Variants in FANK1 observed in about 807,000 individuals in gnomAD.
FANK1 encodes fibronectin type III and ankyrin repeat domains 1, also known as fibronectin type 3 and ankyrin repeat domains protein 1.
Under a neutral mutation model 45.3 loss-of-function variants are expected in FANK1, and 44 were observed. The observed-to-expected ratio is 0.97, with a 90% CI of 0.76 to 1.25. The LOEUF (loss-of-function observed/expected upper bound fraction) is 1.25. Ranked by LOEUF, FANK1 falls within the 50% of genes most tolerant of loss-of-function variation. The pLI is 0.00. For missense variants in FANK1, 391 were observed against 424.4 expected, an observed-to-expected ratio of 0.92 and a Z score of 0.69; for synonymous variants, 149 against 152.5, an observed-to-expected ratio of 0.98 and a Z score of 0.17.
At chr10:125,909,686 C>CTTTTTTT (rs34854157) in intron 1 of FANK1, among the ~76,000 whole-genome samples, 2 of 103,272 alleles carry the variant, frequency 1.9e-5, no homozygotes, top group Admixed American at 1.0e-4. Flanking sequence ...GACCAATTAA[C>CTTTTTTT]TTTTTTTTTT....
rs546704202 is a variant in FANK1 at position 125,908,637 on chromosome 10, A to G, written c.13+11982A>G. Among the ~76,000 whole-genome samples, 5 of 152,274 alleles carry G rather than the reference A, an allele frequency of 3.3e-5. No individual in the cohort carries two copies. The East Asian group carries it at 7.7e-4, about 24-fold the overall frequency. On this transcript the variant is annotated intron_variant, in intron 1 of 10. Coordinates refer to ENST00000368693, the MANE Select transcript of FANK1 (RefSeq NM_145235.5). ...GGGGATGAGGGAGAAAAGACTATAC[A>G]TTGGGTACAGTGTACCCTGCTCGAG...
At chr10:125,913,839 C>T (rs897030607) in intron 1 of FANK1, among the ~76,000 whole-genome samples, 4 of 152,162 alleles carry the variant, frequency 2.6e-5, no homozygotes, top group Admixed American at 6.5e-5. Context: ...TGCCTACCTT[C>T]GTGCCCGGCC....
intron 7 of FANK1, among the ~76,000 whole-genome samples, 175 bp downstream of exon 7, chr10:126,005,224 C>T (rs936665038): frequency 5.3e-5 from 8 of 151,986 alleles, no homozygotes; most frequent in African/African-American, 1.9e-4. Context: ...AGTGAGCTTT[C>T]CGATTGTCAT....
At chr10:125,964,734 A>G (rs536927368) in intron 1 of FANK1, among the ~76,000 whole-genome samples, 23 of 152,298 alleles carry the variant, frequency 1.5e-4, no homozygotes, top group African/African-American at 4.6e-4. Context: ...CATGTAAGGG[A>G]CCATACCTAG....
intron 1 of FANK1, among the ~76,000 whole-genome samples, chr10:125,912,759 TC>T (rs1440768788): frequency 6.6e-6 from 1 of 152,170 alleles, no homozygotes; most frequent in African/African-American, 2.4e-5. Context: ...TGCCTCAGCC[TC>T]CCGAGTAGCT....
intron 1 of FANK1, among the ~76,000 whole-genome samples, chr10:125,924,286 G>A (rs796665789): frequency 3.1e-5 from 4 of 127,532 alleles, no homozygotes; most frequent in East Asian, 5.0e-4. Context: ...AGTCTCGCTC[G>A]CTCTTTCACC....
chr10:126,007,596 A>G (rs1564977903), intron 7 of FANK1, among the ~76,000 whole-genome samples: 4 of 152,334 alleles, frequency 2.6e-5, no homozygotes, highest in Admixed American at 1.3e-4. Flanking sequence ...TACTAAAGCT[A>G]TGGATCATCT....
intron 1 of FANK1, among the ~76,000 whole-genome samples, chr10:125,909,056 T>C (rs1406277296): frequency 6.6e-6 from 1 of 152,260 alleles, no homozygotes; most frequent in Non-Finnish European, 1.5e-5. Context: ...TTAACATGGC[T>C]AGCAAGTCAA....
At chr10:126,004,598 G>C (rs370858065) in intron 6 of FANK1, 21 of 330,880 alleles carry the variant, frequency 6.3e-5, no homozygotes, top group Middle Eastern at 9.9e-4. Flanking sequence ...TGGACATTTC[G>C]TATAAATGGA....
At chr10:125,907,079 T>C (rs1945586892) in intron 1 of FANK1, among the ~76,000 whole-genome samples, 1 of 152,250 alleles carries the variant, frequency 6.6e-6, no homozygotes, top group African/African-American at 2.4e-5. Flanking sequence ...GTAAAGCCTT[T>C]AGCATTTAAT....
At chr10:126,008,690 G>T in intron 8 of FANK1, 140 bp downstream of exon 8, 1 of 970,306 alleles carries the variant, frequency 1.0e-6, no homozygotes, top group South Asian at 1.8e-5. Context: ...CTGTCGGCTT[G>T]TTCATAAGGG....
chr10:126,001,098 C>T (rs1952723628), intron 6 of FANK1, among the ~76,000 whole-genome samples: 1 of 152,186 alleles, frequency 6.6e-6, no homozygotes, highest in Admixed American at 6.5e-5. Context: ...TAAGCCACAT[C>T]CATGGACACA....
At chr10:126,007,688 C>CCT (rs1554953899) in intron 7 of FANK1, among the ~76,000 whole-genome samples, 1 of 151,814 alleles carries the variant, frequency 6.6e-6, no homozygotes, top group African/African-American at 2.4e-5. Context: ...TGCGTGTGTG[C>CCT]ACACACGAGT....
chr10:125,934,165 A>G (rs1476964657), intron 1 of FANK1, among the ~76,000 whole-genome samples: 2 of 152,236 alleles, frequency 1.3e-5, no homozygotes, highest in African/African-American at 4.8e-5. Flanking sequence ...TAATTTCAAC[A>G]TAATGTGATG....
intron 1 of FANK1, among the ~76,000 whole-genome samples, chr10:125,936,687 C>G (rs947796283): frequency 4.6e-5 from 7 of 152,188 alleles, no homozygotes; most frequent in African/African-American, 1.7e-4. Flanking sequence ...ATCCTTCTTT[C>G]TCATTGCTGT....
chr10:125,923,685 G>A (rs1227154876), intron 1 of FANK1, among the ~76,000 whole-genome samples: 2 of 151,850 alleles, frequency 1.3e-5, no homozygotes, highest in South Asian at 4.2e-4. Flanking sequence ...GTGCCACCAT[G>A]CCCAGCTAAT....
At chr10:125,973,123 A>G (rs1191929489) in intron 1 of FANK1, 1 of 152,224 alleles carries the variant, frequency 6.6e-6, no homozygotes, top group African/African-American at 2.4e-5. Flanking sequence ...CTCATTATGT[A>G]CCTACATCAA....
In FANK1 at chr10:125,939,936, T is replaced by TA. The variant is rs201579208; in HGVS notation, c.14-40225_14-40224insA. ...CTACTGTCATTATTATTATTATTAT[T>TA]TTTTTTTTTTTTGAGACAGAGTCTC... On this transcript the variant is annotated intron_variant, in intron 1 of 10. Coordinates refer to ENST00000368693, the MANE Select transcript of FANK1 (RefSeq NM_145235.5). Among the ~76,000 whole-genome samples, 671 of 143,448 alleles carry TA rather than the reference T, an allele frequency of 4.7e-3. 3 individuals carry two copies. The highest frequency in any genetic ancestry group is 0.013 in the African/African-American group (451 of 35,586). 94.1% of individuals were successfully genotyped at this position (143,448 alleles called of 152,430 possible). A position where few individuals can be genotyped will look rare whatever the true frequency, so the allele number is the denominator to read the frequency against.
At chr10:125,910,537 G>A (rs1945906650) in intron 1 of FANK1, among the ~76,000 whole-genome samples, 2 of 152,134 alleles carry the variant, frequency 1.3e-5, no homozygotes, top group Admixed American at 1.3e-4. Flanking sequence ...TATGTATACT[G>A]CATTCCTGTG....
Sources: allele counts gnomAD v4.1 joint callset (sites outside exome capture counted in the v4.1 genomes callset), GRCh38; gene constraint gnomAD v4.1.1; transcripts MANE v1.5; gene names NCBI Gene and HGNC (gene_info 2026-07-23, HGNC 2026-07-21).